The following GCN1 variants were observed in gnomAD, a reference collection of about 807,000 sequenced individuals.
GCN1 encodes the protein GCN1 activator of EIF2AK4.
In GCN1, 90 loss-of-function variants were observed where a neutral mutation model predicts 288.4. The ratio of observed to expected loss-of-function variants is 0.31; its 90% CI spans 0.26 to 0.37. The LOEUF is 0.37. GCN1 is among the 10% of genes least tolerant of loss of function. The pLI is 1.00. For missense variants in GCN1, 2,586 were observed against 3,419.9 expected (o/e 0.76, Z 6.08); for synonymous variants, 1,386 against 1,420.2 (o/e 0.98, Z 0.54).
At chr12:120,141,854 T>C (rs1877206860) in intron 44 of GCN1, among the ~76,000 whole-genome samples, 2 of 152,316 alleles carry the variant, frequency 1.3e-5, no homozygotes, top group South Asian at 4.1e-4. Context: ...TTATAAGCAT[T>C]TGCAGTGCCA....
chr12:120,170,177 G>A lies in GCN1; in HGVS notation c.1511C>T (p.Ser504Leu), dbSNP rs765449777. Residue 504 changes from serine (S) to leucine (L), a missense_variant, in exon 15 of 58, where the codon TCA becomes TTA. Physicochemically the swap from Ser to Leu is moderately radical, Grantham distance 145. Transcript: ENST00000300648. ...LLLLKLSVAD[S>L]QAEAKLSSFW... is the part of the protein sequence containing the mutation. ...CACCTCTGGACTCATACCAGCCTGT[G>A]AGTCAGCCACTGACAACTTTAAGAG... The A allele has an allele frequency of 6.2e-7, 1 of 1,614,018 alleles. No individual in the cohort carries two copies. Among genetic ancestry groups the A allele is most frequent in the South Asian group, 1.1e-5 (1 of 91,084 alleles).
At chr12:120,181,323 G>A (rs2139137635) in intron 5 of GCN1, among the ~76,000 whole-genome samples, 1 of 151,886 alleles carries the variant, frequency 6.6e-6, no homozygotes, top group African/African-American at 2.4e-5. Flanking sequence ...AAATCAGCCA[G>A]GCATACACCA....
rs1877299615 is a variant in GCN1 at position 120,144,496 on chromosome 12, C to T, written c.5353-48G>A. On this transcript the variant is annotated intron_variant, in intron 41 of 57. Transcript: ENST00000300648. This position sits in a 1 kb window ranked among gnomAD's most constrained non-coding sequence, Gnocchi z 4.7. ...AGCCAGAGCTGCCACCCCCAGGCCC[C>T]CAGCCCAAAAAACATGGGGCTCACT... is the stretch of plus-strand genomic sequence containing the variant. The T allele has an allele frequency of 6.3e-7, 1 of 1,589,336 alleles. No individual in the cohort carries two copies. The highest frequency in any genetic ancestry group is 8.6e-7 in the Non-Finnish European group (1 of 1,167,092).
In GCN1 at chr12:120,153,333, A is replaced by G; in HGVS notation, c.3942T>C (p.Ala1314=). The change falls in exon 33 of 58, where the codon GCT becomes GCC. Residue 1314 remains alanine (A), a synonymous_variant. Coordinates refer to ENST00000300648, the MANE Select transcript of GCN1 (RefSeq NM_006836.2). The surrounding 1 kb of genome is among the most constrained non-coding windows in gnomAD (Gnocchi z 4.4). The part of the protein sequence containing the change: ...KNAPNDASYD[A]VRQSVVVLMG... ...TCAGGACCACCACACTCTGTCGCACAGCATCATAGCTGGCATCATTGGGCG... is the reference window on the plus strand; with the variant it reads ...TCAGGACCACCACACTCTGTCGCACGGCATCATAGCTGGCATCATTGGGCG... The G allele has an allele frequency of 1.9e-6, 3 of 1,614,208 alleles. No homozygotes were observed. The highest frequency in any genetic ancestry group is 2.2e-5 in the East Asian group (1 of 44,878).
rs1566299230 is a variant in GCN1, at chr12:120,138,752, A to G, written c.6099T>C (p.His2033=). 1 of 1,614,238 alleles carries G rather than the reference A, an allele frequency of 6.2e-7. No homozygotes were observed. Among genetic ancestry groups the G allele is most frequent in the Non-Finnish European group, 8.5e-7 (1 of 1,180,026 alleles). The change falls in exon 46 of 58, where the codon CAT becomes CAC. Residue 2033 remains histidine (H), a synonymous_variant. Coordinates refer to ENST00000300648, the MANE Select transcript of GCN1 (RefSeq NM_006836.2). ...CCAGAGCCTGGTGGCCGATGGTGGA[A>G]TGCAGCTGCTCGAAAGTCTTGGCTG... is the stretch of plus-strand genomic sequence containing the variant. The part of the protein sequence containing the change: ...EAAAKTFEQL[H]STIGHQALED...
intron 37 of GCN1, among the ~76,000 whole-genome samples, 163 bp from the exon 38 acceptor site, chr12:120,147,435 A>T (rs1250682942): frequency 1.3e-5 from 2 of 152,150 alleles, no homozygotes; most frequent in Non-Finnish European, 2.9e-5. Context: ...ACCCACAAAG[A>T]GCAATCCTTG....
Position 120,142,616 on chromosome 12 carries a change from A to T in GCN1, c.5720T>A (p.Val1907Asp), listed in dbSNP as rs1391784616. ...QLVVRQASLH[V>D]WKIVVSNTPR... ...GGTATTGGAGACAACAATCTTCCAG[A>T]CATGCAGGGACGCCTGCCGCACCAC... Residue 1907 changes from valine (V) to aspartate (D), a missense_variant, in exon 44 of 58, where the codon GTC becomes GAC. Around this residue, in one of 8 missense-constraint regions of GCN1, gnomAD observed 437 missense variants for 570.5 expected, o/e 0.77. Coordinates refer to ENST00000300648, the MANE Select transcript of GCN1 (RefSeq NM_006836.2). The surrounding 1 kb of genome is among the most constrained non-coding windows in gnomAD (Gnocchi z 4.9). 1 of 1,613,882 alleles carries T rather than the reference A, an allele frequency of 6.2e-7. No individual in the cohort carries two copies. Among genetic ancestry groups the T allele is most frequent in the East Asian group, 2.2e-5 (1 of 44,892 alleles).
Position 120,173,824 on chromosome 12 carries a change from G to T in GCN1, c.1195C>A (p.His399Asn), listed in dbSNP as rs1332500962. ...ACAGCGTGTACCAAGGTCCCTTCAT[G>T]AACTAGGGCAAAAAGCAGAAGTCCA... ...LFIPFLQQEV[H>N]EGTLVHAVSV... The change falls in exon 14 of 58, where the codon CAT (histidine) becomes AAT (asparagine). Residue 399 changes from histidine to asparagine, a missense_variant and splice_region_variant. His to Asn is a moderately conservative substitution (Grantham distance 68). Transcript: ENST00000300648. 1 of 1,612,522 alleles carries T rather than the reference G, an allele frequency of 6.2e-7. No homozygotes were observed. Among genetic ancestry groups the T allele is most frequent in the Non-Finnish European group, 8.5e-7 (1 of 1,178,916 alleles).
At chr12:120,163,304 G>T (rs1877991453) in intron 18 of GCN1, 45 bp from the exon 19 acceptor site, 3 of 1,495,504 alleles carry the variant, frequency 2.0e-6, no homozygotes, top group South Asian at 1.1e-5. Context: ...GCCCTGTGCA[G>T]GCTTGGAACA....
intron 13 of GCN1, 103 bp downstream of exon 13, chr12:120,173,968 G>C: frequency 9.9e-7 from 1 of 1,012,122 alleles, no homozygotes; most frequent in Non-Finnish European, 1.5e-6. Flanking sequence ...CTCTGAGGGA[G>C]GTGTGTCTTT....
chr12:120,133,218 T>G (rs992893806), intron 53 of GCN1, among the ~76,000 whole-genome samples: 5 of 152,138 alleles, frequency 3.3e-5, no homozygotes, highest in African/African-American at 9.7e-5. Context: ...GGTGTGTGTG[T>G]GTGTCAATGA....
chr12:120,177,214 C>G (rs143865740), intron 9 of GCN1, among the ~76,000 whole-genome samples: 23 of 152,286 alleles, frequency 1.5e-4, no homozygotes, highest in Admixed American at 1.5e-3. Flanking sequence ...CTCAAGTGAT[C>G]TGCCCACTGC....
chr12:120,166,515 T>C (rs1034870162), intron 16 of GCN1, among the ~76,000 whole-genome samples: 4 of 149,896 alleles, frequency 2.7e-5, no homozygotes, highest in African/African-American at 4.9e-5. Flanking sequence ...CCAGCCTGGC[T>C]AACACTGTGA....
chr12:120,153,827 G>A lies in GCN1; in HGVS notation c.3784C>T (p.Pro1262Ser). The A allele has an allele frequency of 6.2e-7, 1 of 1,614,024 alleles. No homozygotes were observed. Among genetic ancestry groups the A allele is most frequent in the Non-Finnish European group, 8.5e-7 (1 of 1,179,914 alleles). The stretch of plus-strand genomic sequence containing the variant: ...GGGTGTCGGTCATTGAGGGCATCAG[G>A]GACAAAAAACTGAAAGAGTGGCTTC... ...QVKPLFQFFV[P>S]DALNDRHPDV... The change falls in exon 32 of 58, where the codon CCT becomes TCT. Residue 1262 changes from proline (P) to serine (S), a missense_variant. Physicochemically the swap from Pro to Ser is moderately conservative, Grantham distance 74 (BLOSUM62 -1). Transcript: ENST00000300648. This position sits in a 1 kb window ranked among gnomAD's most constrained non-coding sequence, Gnocchi z 4.4.
Position 120,157,868 on chromosome 12 carries a change from G to C in GCN1, c.3068C>G (p.Pro1023Arg), listed in dbSNP as rs749860794. 40 of 1,613,542 alleles carry C rather than the reference G, an allele frequency of 2.5e-5. 1 individual carries two copies. The highest frequency in any genetic ancestry group is 1.5e-4 in the Admixed American group (9 of 60,000). The change falls in exon 26 of 58, where the codon CCA becomes CGA. Residue 1023 changes from proline (P) to arginine (R), a missense_variant. Pro to Arg is a moderately radical substitution (Grantham distance 103). Transcript: ENST00000300648. ...QAQLRASPNT[P>R]PGRVDENGPE... ...GCCAACCTCGTCCACCCGCCCGGGT[G>C]GGGTGTTGGGGGAGGCCCTCAGCTG... is the stretch of plus-strand genomic sequence containing the variant.
chr12:120,169,331 T>C (rs1878242757), intron 15 of GCN1, among the ~76,000 whole-genome samples: 2 of 142,152 alleles, frequency 1.4e-5, no homozygotes, highest in South Asian at 4.4e-4. Context: ...TGAAATACGA[T>C]GTAGCCACAA....
chr12:120,162,629 C>G (rs1214763944), intron 20 of GCN1, among the ~76,000 whole-genome samples: 2 of 152,192 alleles, frequency 1.3e-5, no homozygotes, highest in South Asian at 2.1e-4. Context: ...AACATGTGAA[C>G]CCCTGTAGCC....
chr12:120,141,814 C>T (rs1290630535), intron 44 of GCN1, among the ~76,000 whole-genome samples: 2 of 152,222 alleles, frequency 1.3e-5, no homozygotes, highest in African/African-American at 2.4e-5. Context: ...AACACAGGCC[C>T]ATCCCTCCCC....
At chr12:120,168,812 C>A (rs541304311) in intron 15 of GCN1, among the ~76,000 whole-genome samples, 2 of 152,114 alleles carry the variant, frequency 1.3e-5, no homozygotes, top group Non-Finnish European at 2.9e-5. Flanking sequence ...TATTTCCTCG[C>A]GCCTACTGTG....
Sources: gnomAD v4.1 joint callset for allele counts (sites outside exome capture counted in the v4.1 genomes callset) on GRCh38, gnomAD v4.1.1 for gene constraint, gnomAD v4.1.1 regional missense constraint, Gnocchi (gnomAD v3.1) non-coding constraint, MANE v1.5 for transcripts, NCBI Gene and HGNC (gene_info 2026-07-23, HGNC 2026-07-21) for gene names.